The following CNOT2 variants were observed in gnomAD, a reference collection of about 807,000 sequenced individuals.
CNOT2 encodes the protein CCR4-NOT transcription complex subunit 2.
In CNOT2, 7 loss-of-function variants were observed where a neutral mutation model predicts 72.1. The observed-to-expected ratio is 0.10, with a 90% CI of 0.06 to 0.18. The LOEUF (loss-of-function observed/expected upper bound fraction) is 0.18, where lower values mean the gene tolerates loss of function less well. CNOT2 is among the 10% of genes least tolerant of loss of function. The pLI is 1.00. For synonymous variants in CNOT2, 196 were observed against 225.6 expected, an observed-to-expected ratio of 0.87 and a Z score of 1.17; for missense variants, 345 against 660.3, an observed-to-expected ratio of 0.52 and a Z score of 5.23.
At chr12:70,323,745 A>T (rs996000187) in intron 4 of CNOT2, 1 of 151,912 alleles carries the variant, frequency 6.6e-6, no homozygotes, top group East Asian at 1.9e-4. Flanking sequence ...TTATTTCAAG[A>T]TCATTGCTAC....
chr12:70,339,014 ATGTGTGTGTG>A (rs143055295), intron 11 of CNOT2, among the ~76,000 whole-genome samples, 192 bp downstream of exon 11: 1,921 of 131,036 alleles, frequency 0.015, 40 homozygotes, highest in African/African-American at 0.047. Flanking sequence ...TTGGCATTTT[ATGTGTGTGTG>A]TGTGTGTGTG....
intron 1 of CNOT2, among the ~76,000 whole-genome samples, chr12:70,270,625 G>A (rs1959193928): frequency 6.6e-6 from 1 of 152,044 alleles, no homozygotes; most frequent in Non-Finnish European, 1.5e-5. Context: ...ACAGAAATAT[G>A]TTTGTAACCA....
At chr12:70,274,715 A>G (rs1868467505) in intron 1 of CNOT2, among the ~76,000 whole-genome samples, 1 of 151,938 alleles carries the variant, frequency 6.6e-6, no homozygotes, top group African/African-American at 2.4e-5. Flanking sequence ...GAAGTAATTG[A>G]TCTATTTTTT....
At chr12:70,276,187 A>G (rs1015266961) in intron 1 of CNOT2, among the ~76,000 whole-genome samples, 1 of 152,008 alleles carries the variant, frequency 6.6e-6, no homozygotes, top group Admixed American at 6.6e-5. Context: ...AAATATTAAT[A>G]CGTATTGTTG....
intron 2 of CNOT2, among the ~76,000 whole-genome samples, chr12:70,299,435 C>T: frequency 7.6e-6 from 1 of 132,216 alleles, no homozygotes. Context: ...CATGTGTTCT[C>T]ATTGTTCAAT....
intron 1 of CNOT2, among the ~76,000 whole-genome samples, chr12:70,259,786 C>T (rs74993103): frequency 0.15 from 22,154 of 152,068 alleles, 1,950 homozygotes; most frequent in Admixed American, 0.28. Context: ...CCAGTTTTGC[C>T]GCTTTCCTTT....
At chr12:70,322,152 A>G (rs1330322750) in intron 4 of CNOT2, 1 of 151,816 alleles carries the variant, frequency 6.6e-6, no homozygotes. Flanking sequence ...CTTGAAGCAA[A>G]ACTACATATA....
intron 2 of CNOT2, among the ~76,000 whole-genome samples, chr12:70,281,557 T>G (rs1342339648): frequency 1.3e-5 from 2 of 152,202 alleles, no homozygotes; most frequent in Admixed American, 1.3e-4. Context: ...GCCATGCAGT[T>G]TCACACCCAC....
chr12:70,264,903 G>T (rs1289878106), intron 1 of CNOT2, among the ~76,000 whole-genome samples: 20 of 151,812 alleles, frequency 1.3e-4, no homozygotes, highest in African/African-American at 4.6e-4. Flanking sequence ...CTGAGTTTTT[G>T]TTTTCTTTTC....
chr12:70,344,264 A>G (rs746778012), intron 14 of CNOT2, 36 bp downstream of exon 14: 2 of 1,318,390 alleles, frequency 1.5e-6, no homozygotes, highest in Non-Finnish European at 2.2e-6. Context: ...TTTGTATTAT[A>G]GTGGATCTTG....
intron 2 of CNOT2, among the ~76,000 whole-genome samples, chr12:70,308,691 CTT>C (rs886487456): frequency 1.3e-5 from 2 of 151,546 alleles, no homozygotes; most frequent in African/African-American, 4.8e-5. Context: ...TTAATTTTGC[CTT>C]CAAACCAAAC....
chr12:70,320,922 G>GT (rs1009481380), intron 4 of CNOT2, among the ~76,000 whole-genome samples: 6 of 151,804 alleles, frequency 4.0e-5, no homozygotes, highest in Non-Finnish European at 8.8e-5. Context: ...ACTGGGCTAA[G>GT]ATATGGAATG....
At chr12:70,266,979 ATG>A (rs1192896086) in intron 1 of CNOT2, among the ~76,000 whole-genome samples, 1 of 111,730 alleles carries the variant, frequency 9.0e-6, no homozygotes, top group Non-Finnish European at 1.9e-5. Flanking sequence ...TTTTTCACTC[ATG>A]TGATTGATTC....
chr12:70,302,586 T>G (rs1874254189), intron 2 of CNOT2, among the ~76,000 whole-genome samples: 4 of 152,200 alleles, frequency 2.6e-5, no homozygotes, highest in Non-Finnish European at 4.4e-5. Flanking sequence ...AGAGACAGTT[T>G]GTTATAATTT....
chr12:70,293,841 T>C (rs1421777536), intron 2 of CNOT2, among the ~76,000 whole-genome samples: 6 of 151,558 alleles, frequency 4.0e-5, no homozygotes, highest in Non-Finnish European at 5.9e-5. Flanking sequence ...CTGTCTTACA[T>C]GTTTTCATAA....
Position 70,320,965 on chromosome 12 carries a change from A to G in CNOT2, c.238+1601A>G, listed in dbSNP as rs139469122. 1.8e-3 allele frequency among the ~76,000 whole-genome samples: 278 copies of G among 152,016 alleles called. 1 individual carries two copies. Among genetic ancestry groups the G allele is most frequent in the African/African-American group, 6.5e-3 (269 of 41,536 alleles). On this transcript the variant is annotated intron_variant, in intron 4 of 15. Transcript: ENST00000229195. ...TTTAAAATGCAGTTATATCATTGGT[A>G]TGACAGACATTTATGTTTTTGTTTT...
intron 15 of CNOT2, chr12:70,348,105 C>G (rs1393451678): frequency 1.3e-5 from 2 of 152,092 alleles, no homozygotes; most frequent in Non-Finnish European, 2.9e-5. Flanking sequence ...TGTTTATATA[C>G]ACACACACAT....
chr12:70,329,756 C>G (rs1049334139), intron 5 of CNOT2, 186 bp downstream of exon 5: 1 of 544,234 alleles, frequency 1.8e-6, no homozygotes, highest in African/African-American at 1.9e-5. Flanking sequence ...GGTTTTTATA[C>G]TGCAGCTCGC....
At chr12:70,294,367 AT>A in intron 2 of CNOT2, 1 of 963,592 alleles carries the variant, frequency 1.0e-6, no homozygotes. Flanking sequence ...ATGTTGGGCC[AT>A]TTTATCAATG....
Sources: gnomAD v4.1 joint callset for allele counts (sites outside exome capture counted in the v4.1 genomes callset) on GRCh38, gnomAD v4.1.1 for gene constraint, MANE v1.5 for transcripts, NCBI Gene and HGNC (gene_info 2026-07-23, HGNC 2026-07-21) for gene names.